Variants in CFAP20DC observed in about 807,000 individuals in gnomAD.
CFAP20DC encodes protein CFAP20DC.
A neutral mutation model predicts 101.7 loss-of-function variants in CFAP20DC; 84 were observed. The observed-to-expected ratio is 0.83, with a 90% CI of 0.69 to 0.99. The LOEUF (loss-of-function observed/expected upper bound fraction) is 0.99. Among genes scored for constraint, CFAP20DC ranks in the 50% least tolerant of loss-of-function variants. The pLI is 0.00. For synonymous variants in CFAP20DC, 359 were observed against 351.2 expected, an observed-to-expected ratio of 1.02 and a Z score of -0.25; for missense variants, 1,007 against 970.3, an observed-to-expected ratio of 1.04 and a Z score of -0.50.
rs2067904419 is a variant in CFAP20DC at position 58,742,037 on chromosome 3, T to A, written c.*423A>T. The A allele has an allele frequency of 1.0e-6, 1 of 956,182 alleles. No homozygotes were observed. The highest frequency in any genetic ancestry group is 1.2e-6 in the Non-Finnish European group (1 of 802,868). The allele number at this position is 956,182 out of a possible 1,614,324, so 59.2% of individuals were successfully genotyped here. A position where few individuals can be genotyped will look rare whatever the true frequency, so the allele number is the denominator to read the frequency against. ...TCTTACCATCATACTTTATTTTTAA[T>A]ACAAATGCCATAAAATAAAAGGTAC... On this transcript the variant is annotated 3_prime_UTR_variant, in exon 17 of 17. Coordinates refer to ENST00000482387, the MANE Select transcript of CFAP20DC (RefSeq NM_001394063.1).
chr3:58,786,283 G>T (rs532529750), intron 15 of CFAP20DC, among the ~76,000 whole-genome samples: 3 of 152,142 alleles, frequency 2.0e-5, no homozygotes, highest in Non-Finnish European at 1.5e-5. Context: ...CTTTATATTT[G>T]TGTTCTAGGT....
In CFAP20DC at chr3:58,936,861, C is replaced by G. The variant is rs369887669; in HGVS notation, c.393+787G>C. ...CTGGGTGCAGCACACCAGCATGGCACATGTATACATATGTAACTAACCTGC... is the reference window on the plus strand; with the variant it reads ...CTGGGTGCAGCACACCAGCATGGCAGATGTATACATATGTAACTAACCTGC... On this transcript the variant is annotated intron_variant, in intron 5 of 16. Coordinates refer to ENST00000482387, the MANE Select transcript of CFAP20DC (RefSeq NM_001394063.1). Among the ~76,000 whole-genome samples, 399 of 150,938 alleles carry G rather than the reference C, an allele frequency of 2.6e-3. 3 individuals carry two copies. The Middle Eastern group carries it at 0.038, about 14-fold the overall frequency.
At chr3:58,779,682 A>G (rs1302627049) in intron 15 of CFAP20DC, among the ~76,000 whole-genome samples, 1 of 152,206 alleles carries the variant, frequency 6.6e-6, no homozygotes, top group Non-Finnish European at 1.5e-5. Flanking sequence ...AGAATAAAAA[A>G]GAAGGAGCAA....
rs980792906 is a variant in CFAP20DC at position 58,914,503 on chromosome 3, GA to G, written c.394-640del. On this transcript the variant is annotated intron_variant, in intron 5 of 16. Coordinates refer to ENST00000482387, the MANE Select transcript of CFAP20DC (RefSeq NM_001394063.1). This position sits in a 1 kb window ranked among gnomAD's most constrained non-coding sequence, Gnocchi z 4.9. The stretch of plus-strand genomic sequence containing the variant: ...AATTTTCTGAATGGTTAAAGAAAAT[GA>G]AAAAAAATCATTTGGCAAGAAACAA... Among the ~76,000 whole-genome samples, 1 of 151,060 alleles carries G rather than the reference GA, an allele frequency of 6.6e-6. No homozygotes were observed. The highest frequency in any genetic ancestry group is 1.5e-5 in the Non-Finnish European group (1 of 67,730).
intron 13 of CFAP20DC, among the ~76,000 whole-genome samples, chr3:58,842,773 C>A (rs1458818757): frequency 6.6e-6 from 1 of 152,340 alleles, no homozygotes; most frequent in Non-Finnish European, 1.5e-5. Flanking sequence ...TGTCTGACAG[C>A]TTTGAAGGAG....
rs1366286362 is a variant in CFAP20DC at position 58,799,270 on chromosome 3, T to C, written c.2237+7125A>G. 2.0e-5 allele frequency among the ~76,000 whole-genome samples: 3 copies of C among 152,142 alleles called. No homozygotes were observed. Among genetic ancestry groups the C allele is most frequent in the Non-Finnish European group, 2.9e-5 (2 of 68,022 alleles). On this transcript the variant is annotated intron_variant, in intron 15 of 16. Transcript: ENST00000482387. The surrounding 1 kb of genome is among the most constrained non-coding windows in gnomAD (Gnocchi z 4.9). ...ACAAATAAGCAACTGCCAGTAAGAATACAGGGCGAACACACTAATTCAATT... is the reference window on the plus strand; with the variant it reads ...ACAAATAAGCAACTGCCAGTAAGAACACAGGGCGAACACACTAATTCAATT...
At chr3:58,773,653 T>A (rs2071060835) in intron 15 of CFAP20DC, among the ~76,000 whole-genome samples, 1 of 152,178 alleles carries the variant, frequency 6.6e-6, no homozygotes, top group African/African-American at 2.4e-5. Context: ...AATTGTCAAG[T>A]TTTCATTTGC....
intron 15 of CFAP20DC, among the ~76,000 whole-genome samples, chr3:58,800,382 C>T (rs1257552410): frequency 6.6e-6 from 1 of 152,166 alleles, no homozygotes; most frequent in East Asian, 1.9e-4. Context: ...TGAGTCTGGA[C>T]ATTCAGGTGT....
intron 3 of CFAP20DC, among the ~76,000 whole-genome samples, chr3:58,730,041 A>C (rs1221002579): frequency 6.9e-6 from 1 of 145,036 alleles, no homozygotes; most frequent in East Asian, 1.9e-4. Context: ...AAAAAAAAAG[A>C]AAGTTGAAAT....
At chr3:58,954,094 CTT>C (rs2090410779) in intron 4 of CFAP20DC, among the ~76,000 whole-genome samples, 1 of 152,192 alleles carries the variant, frequency 6.6e-6, no homozygotes, top group South Asian at 2.1e-4. Flanking sequence ...TCATTTCAAA[CTT>C]AACATCTACA....
At chr3:58,898,999 C>G (rs2082909830) in intron 6 of CFAP20DC, among the ~76,000 whole-genome samples, 2 of 152,056 alleles carry the variant, frequency 1.3e-5, no homozygotes, top group African/African-American at 4.8e-5. Flanking sequence ...TGTCTTTTCC[C>G]ATACCAAGGT....
chr3:58,833,796 T>C (rs184782187), intron 13 of CFAP20DC, among the ~76,000 whole-genome samples: 1 of 152,158 alleles, frequency 6.6e-6, no homozygotes, highest in Non-Finnish European at 1.5e-5. Context: ...TTATCCATAA[T>C]AGCCAAAAAG....
At chr3:58,855,886 G>C (rs2078750983) in intron 12 of CFAP20DC, among the ~76,000 whole-genome samples, 1 of 150,754 alleles carries the variant, frequency 6.6e-6, no homozygotes, top group Non-Finnish European at 1.5e-5. Flanking sequence ...CCTAATGCTA[G>C]ATGATGAGTT....
intron 4 of CFAP20DC, among the ~76,000 whole-genome samples, chr3:58,999,207 G>C (rs976044303): frequency 6.6e-6 from 1 of 152,184 alleles, no homozygotes; most frequent in Admixed American, 6.5e-5. Flanking sequence ...ACTTGAACAA[G>C]GTCAGTGGAA....
chr3:58,783,741 G>A (rs1484190331), intron 15 of CFAP20DC, among the ~76,000 whole-genome samples: 2 of 151,950 alleles, frequency 1.3e-5, no homozygotes, highest in African/African-American at 4.8e-5. Context: ...AAACCACAAT[G>A]AGATATCGTC....
At chr3:58,949,482 T>C (rs2089811595) in intron 4 of CFAP20DC, among the ~76,000 whole-genome samples, 1 of 152,186 alleles carries the variant, frequency 6.6e-6, no homozygotes, top group Non-Finnish European at 1.5e-5. Flanking sequence ...TGGTATGTTG[T>C]GTCTTTGTTC....
intron 4 of CFAP20DC, among the ~76,000 whole-genome samples, chr3:58,977,248 G>T (rs2092317563): frequency 6.6e-6 from 1 of 152,128 alleles, no homozygotes; most frequent in Non-Finnish European, 1.5e-5. Flanking sequence ...AACCTAATTT[G>T]CCAAGTTACT....
Position 58,742,514 on chromosome 3 carries a change from A to G in CFAP20DC, c.2391T>C (p.Pro797=), listed in dbSNP as rs373314775. Reference sequence around the variant, plus strand: ...GGGGGTCAAAGTAACAGTTCAGACAAGGGTCATACAACAAAGTCAGTACTT... The same window carrying G: ...GGGGGTCAAAGTAACAGTTCAGACAGGGGTCATACAACAAAGTCAGTACTT... ...DEEVLTLLYD[P]CLNCYFDPQT... The change falls in exon 17 of 17, where the codon CCT becomes CCC. Residue 797 remains proline, a synonymous_variant. Transcript: ENST00000482387. The G allele has an allele frequency of 5.8e-5, 94 of 1,609,274 alleles. 2 individuals are homozygous for G. The Middle Eastern group carries it at 8.3e-4, about 14-fold the overall frequency.
chr3:58,730,257 C>T (rs1366895990), intron 3 of CFAP20DC, among the ~76,000 whole-genome samples: 1 of 152,124 alleles, frequency 6.6e-6, no homozygotes, highest in African/African-American at 2.4e-5. Context: ...TTGGTAAGTA[C>T]TGTATGGGAG....
Sources: allele counts gnomAD v4.1 joint callset (sites outside exome capture counted in the v4.1 genomes callset), GRCh38; gene constraint gnomAD v4.1.1; non-coding constraint Gnocchi (gnomAD v3.1); transcripts MANE v1.5; gene names NCBI Gene and HGNC (gene_info 2026-07-23, HGNC 2026-07-21).